The following SPOCK3 variants were observed in gnomAD, a reference collection of about 807,000 sequenced individuals.
SPOCK3 encodes testican-3.
Under a neutral mutation model 56.6 loss-of-function variants are expected in SPOCK3, and 30 were observed. The observed-to-expected ratio is 0.53, with a 90% confidence interval of 0.40 to 0.72. SPOCK3 has a LOEUF of 0.72. Ranked by LOEUF, SPOCK3 falls within the 30% of genes least tolerant of loss-of-function variation. SPOCK3 has a pLI of 0.00. For missense variants in SPOCK3, 527 were observed against 530.0 expected (o/e 0.99, Z 0.06); for synonymous variants, 196 against 183.3 (o/e 1.07, Z -0.56).
chr4:166,764,718 C>A (rs1237959895), intron 7 of SPOCK3, among the ~76,000 whole-genome samples: 1 of 152,144 alleles, frequency 6.6e-6, no homozygotes, highest in Admixed American at 6.6e-5. Flanking sequence ...AATGGGATGG[C>A]TGGGTCAAAT....
intron 6 of SPOCK3, among the ~76,000 whole-genome samples, chr4:166,836,679 T>C (rs1746655990): frequency 6.6e-6 from 1 of 151,214 alleles, no homozygotes; most frequent in African/African-American, 2.4e-5. Flanking sequence ...CTGTTGAACC[T>C]GGCACTCCAT....
chr4:167,233,851 C>T lies in SPOCK3; in HGVS notation c.189+134G>A, dbSNP rs1329865453. 12 of 748,762 alleles carry T rather than the reference C, an allele frequency of 1.6e-5. No homozygotes were observed. In the South Asian group the frequency reaches 1.8e-4, roughly 11 times the overall value. The allele number at this position is 748,762 out of a possible 1,614,324, so 46.4% of individuals were successfully genotyped here. A position where few individuals can be genotyped will look rare whatever the true frequency, so the allele number is the denominator to read the frequency against. Reference sequence around the variant, plus strand: ...CGGAACTGTGAACTTCTCCAGCAGCCCTGCGCCGCCGCGTTTCCCTAAACC... The same window carrying T: ...CGGAACTGTGAACTTCTCCAGCAGCTCTGCGCCGCCGCGTTTCCCTAAACC... On this transcript the variant is annotated intron_variant, in intron 2 of 10. Coordinates refer to ENST00000357545, the MANE Select transcript of SPOCK3 (RefSeq NM_001040159.2).
chr4:166,780,930 C>T (rs1394260081), intron 7 of SPOCK3, among the ~76,000 whole-genome samples: 1 of 152,202 alleles, frequency 6.6e-6, no homozygotes, highest in South Asian at 2.1e-4. Flanking sequence ...TGTGGCAAGC[C>T]AGTCTCACGC....
intron 4 of SPOCK3, among the ~76,000 whole-genome samples, chr4:166,992,226 T>C (rs899918558): frequency 6.6e-6 from 1 of 152,014 alleles, no homozygotes. Context: ...TGGAACTGAG[T>C]GGTCTGCGGA....
intron 6 of SPOCK3, among the ~76,000 whole-genome samples, chr4:166,841,880 G>C (rs77629181): frequency 0.013 from 1,938 of 152,260 alleles, 26 homozygotes; most frequent in Middle Eastern, 0.034. Context: ...GAATGAAGCC[G>C]TGGACCCTTG....
intron 6 of SPOCK3, among the ~76,000 whole-genome samples, chr4:166,846,220 G>A (rs1748044869): frequency 6.6e-6 from 1 of 151,998 alleles, no homozygotes; most frequent in African/African-American, 2.4e-5. Flanking sequence ...CAGGGATTAT[G>A]GCTAAGAAGG....
intron 6 of SPOCK3, among the ~76,000 whole-genome samples, chr4:166,841,263 A>G (rs1313428803): frequency 6.6e-6 from 1 of 152,100 alleles, no homozygotes; most frequent in African/African-American, 2.4e-5. Context: ...ATCAATTCCT[A>G]ATTTCTTCAA....
chr4:166,822,169 A>G (rs539828440), intron 6 of SPOCK3, among the ~76,000 whole-genome samples: 6 of 151,950 alleles, frequency 3.9e-5, no homozygotes, highest in African/African-American at 7.2e-5. Flanking sequence ...TGAAGCTGCC[A>G]TATTTCCCTA....
chr4:167,014,433 G>T (rs1444032857), intron 3 of SPOCK3, among the ~76,000 whole-genome samples: 1 of 151,930 alleles, frequency 6.6e-6, no homozygotes, highest in Non-Finnish European at 1.5e-5. Context: ...ATTGCTTGAG[G>T]CCTGGAGCTC....
intron 3 of SPOCK3, among the ~76,000 whole-genome samples, chr4:167,034,778 G>A (rs1039666992): frequency 6.6e-6 from 1 of 152,064 alleles, no homozygotes; most frequent in Non-Finnish European, 1.5e-5. Flanking sequence ...CATTTGAAAG[G>A]ACATAGTTAT....
At chr4:167,054,809 A>T (rs1040889949) in intron 3 of SPOCK3, among the ~76,000 whole-genome samples, 2 of 152,242 alleles carry the variant, frequency 1.3e-5, no homozygotes, top group African/African-American at 4.8e-5. Context: ...GTGTACACGA[A>T]CAATTAGTTG....
intron 5 of SPOCK3, among the ~76,000 whole-genome samples, chr4:166,903,132 A>T (rs2127063547): frequency 6.8e-6 from 1 of 147,312 alleles, no homozygotes; most frequent in East Asian, 2.0e-4. Flanking sequence ...TATAATATAA[A>T]TTATAAATAA....
intron 2 of SPOCK3, among the ~76,000 whole-genome samples, chr4:167,074,561 C>T (rs1387873679): frequency 2.0e-5 from 3 of 151,824 alleles, no homozygotes; most frequent in African/African-American, 4.8e-5. Context: ...TCCAAGAGAG[C>T]GTGAGAGGAT....
chr4:166,897,304 A>C (rs944086405), intron 5 of SPOCK3, among the ~76,000 whole-genome samples: 3 of 152,128 alleles, frequency 2.0e-5, no homozygotes, highest in African/African-American at 7.2e-5. Flanking sequence ...GAGCAGAGAC[A>C]CTGGCAGCCT....
chr4:167,000,348 CCTGT>C lies in SPOCK3; in HGVS notation c.347_350del (p.His116ArgfsTer2), dbSNP rs1470605662. 6.7e-7 allele frequency: 1 copy of C among 1,483,712 alleles called. No homozygotes were observed. The highest frequency in any genetic ancestry group is 1.9e-5 in the Admixed American group (1 of 53,996). The allele number at this position is 1,483,712 out of a possible 1,614,324, so 91.9% of individuals were successfully genotyped here. ...GTGGGATTAAATTTAACAATGTTTA[CCTGT>C]GTGTAAGCCTCCGGTGACTAATGCA... On this transcript the variant is annotated frameshift_variant and splice_region_variant, in exon 4 of 11. Transcript: ENST00000357545. LOFTEE classifies it high-confidence loss of function.
At chr4:166,917,143 C>T (rs1216211872) in intron 4 of SPOCK3, among the ~76,000 whole-genome samples, 1 of 151,924 alleles carries the variant, frequency 6.6e-6, no homozygotes, top group Non-Finnish European at 1.5e-5. Context: ...AAGCTATCTA[C>T]AAATAAAATA....
chr4:167,086,839 A>G (rs777313280), intron 2 of SPOCK3, among the ~76,000 whole-genome samples: 3 of 152,130 alleles, frequency 2.0e-5, no homozygotes, highest in South Asian at 2.1e-4. Flanking sequence ...AAAACAGTTG[A>G]CTGAGAAATA....
chr4:166,801,408 AC>A (rs1485294029), intron 6 of SPOCK3, among the ~76,000 whole-genome samples: 4 of 152,194 alleles, frequency 2.6e-5, no homozygotes, highest in African/African-American at 4.8e-5. Context: ...TATGGTAGAT[AC>A]AAAAATTCCA....
At chr4:167,104,420 A>G (rs540560503) in intron 2 of SPOCK3, among the ~76,000 whole-genome samples, 1 of 152,288 alleles carries the variant, frequency 6.6e-6, no homozygotes, top group East Asian at 1.9e-4. Flanking sequence ...GAAACTCTGG[A>G]GTTGAAAAAA....
Sources: allele counts gnomAD v4.1 joint callset (sites outside exome capture counted in the v4.1 genomes callset), GRCh38; gene constraint gnomAD v4.1.1; transcripts MANE v1.5; gene names NCBI Gene and HGNC (gene_info 2026-07-23, HGNC 2026-07-21).